The following TNNT3 variants were observed in gnomAD, a reference collection of about 807,000 sequenced individuals.
TNNT3 encodes the protein troponin T, fast skeletal muscle.
A neutral mutation model predicts 54.2 loss-of-function variants in TNNT3; 36 were observed. The observed-to-expected ratio is 0.66, with a 90% confidence interval of 0.51 to 0.88. TNNT3 has a LOEUF of 0.88. Among genes scored for constraint, TNNT3 ranks in the 40% least tolerant of loss-of-function variants. The pLI is 0.00. For missense variants in TNNT3, 291 were observed against 331.6 expected (o/e 0.88, Z 0.95); for synonymous variants, 120 against 109.7 (o/e 1.09, Z -0.59).
chr11:1,924,544 G>C (rs1267912784), intron 4 of TNNT3, among the ~76,000 whole-genome samples: 1 of 152,254 alleles, frequency 6.6e-6, no homozygotes, highest in Non-Finnish European at 1.5e-5. Context: ...CTGCCGAAAA[G>C]GTGGAAAGAC....
intron 15 of TNNT3, 44 bp from the exon 16 acceptor site, chr11:1,938,394 C>A (rs558130269): frequency 5.0e-6 from 8 of 1,608,668 alleles, no homozygotes; most frequent in Non-Finnish European, 6.8e-6. Flanking sequence ...AGGGGCATGG[C>A]CAGAGGCCCT....
chr11:1,926,655 C>T, intron 5 of TNNT3, 40 bp from the exon 6 acceptor site: 1 of 1,613,326 alleles, frequency 6.2e-7, no homozygotes, highest in Non-Finnish European at 8.5e-7. Context: ...GGTCCTCTCT[C>T]TCTCCCGCCC....
In TNNT3 at chr11:1,928,901, C is replaced by T. The variant is rs1852401355; in HGVS notation, c.83-219C>T. The T allele has an allele frequency of 4.7e-6, 3 of 642,536 alleles. No individual in the cohort carries two copies. The Admixed American group carries it at 6.7e-5, about 14-fold the overall frequency. The allele number at this position is 642,536 out of a possible 1,614,324, so 39.8% of individuals were successfully genotyped here. On this transcript the variant is annotated intron_variant, in intron 6 of 15. Transcript: ENST00000278317. ...CCACTAGGTCTTCCAGGCAGGAGCT[C>T]CACTGGGCACCCAGCCCCTTCCACC... is the stretch of plus-strand genomic sequence containing the variant.
At chr11:1,928,482 G>C (rs996963192) in intron 6 of TNNT3, among the ~76,000 whole-genome samples, 1 of 152,214 alleles carries the variant, frequency 6.6e-6, no homozygotes, top group South Asian at 2.1e-4. Context: ...AAGCCCCAGG[G>C]AGGTCAGGGA....
intron 14 of TNNT3, chr11:1,935,294 G>A (rs769549868): frequency 2.0e-5 from 7 of 353,582 alleles, no homozygotes; most frequent in Non-Finnish European, 3.3e-5. Flanking sequence ...CGGCCCCGGG[G>A]CACCGAGTCC....
In TNNT3 at chr11:1,934,840, A is replaced by G. The variant is rs760712097; in HGVS notation, c.602A>G (p.Lys201Arg). Residue 201 changes from lysine (K) to arginine (R), a missense_variant, in exon 14 of 16, where the codon AAG (lysine) becomes AGG (arginine). By Grantham distance (26) the Lys-to-Arg change is conservative. Coordinates refer to ENST00000278317, the MANE Select transcript of TNNT3 (RefSeq NM_006757.4). ...TTCCTCTGCCCCAGGGACAAGGCCA[A>G]GGAGCTCTGGGAGACCCTGCACCAG... ...LGEDKLRDKA[K>R]ELWETLHQLE... is the part of the protein sequence containing the mutation. 22 of 1,613,398 alleles carry G rather than the reference A, an allele frequency of 1.4e-5. No individual in the cohort carries two copies. The highest frequency in any genetic ancestry group is 6.7e-5 in the East Asian group (3 of 44,896).
At chr11:1,919,966 T>C (rs1849720002) in intron 1 of TNNT3, among the ~76,000 whole-genome samples, 1 of 152,036 alleles carries the variant, frequency 6.6e-6, no homozygotes, top group African/African-American at 2.4e-5. Context: ...GATGCGGACA[T>C]GGTGGTGTGA....
At chr11:1,938,222 G>C (rs1006532022) in intron 15 of TNNT3, 46 of 603,110 alleles carry the variant, frequency 7.6e-5, no homozygotes, top group South Asian at 1.1e-4. Context: ...CCGGGCTCAC[G>C]TGCCAGCCCC....
At chr11:1,924,959 C>T in intron 4 of TNNT3, 140 bp from the exon 5 acceptor site, 2 of 904,988 alleles carry the variant, frequency 2.2e-6, no homozygotes, top group Non-Finnish European at 3.6e-6. Context: ...TCTTTCACCC[C>T]TGCCAAGCGA....
At chr11:1,929,020 G>A (rs1402625667) in intron 6 of TNNT3, 100 bp from the exon 7 acceptor site, 4 of 1,359,642 alleles carry the variant, frequency 2.9e-6, no homozygotes, top group South Asian at 1.2e-5. Flanking sequence ...AGTGAGAGGG[G>A]TGGGCCCCTT....
At chr11:1,923,651 AC>A in intron 4 of TNNT3, 79 bp downstream of exon 4, 1 of 854,968 alleles carries the variant, frequency 1.2e-6, no homozygotes, top group Admixed American at 1.9e-5. Flanking sequence ...CGCTCACAGA[AC>A]CCCCTCCCCA....
chr11:1,937,935 AAT>A (rs1315523721), intron 15 of TNNT3, among the ~76,000 whole-genome samples: 4 of 152,076 alleles, frequency 2.6e-5, no homozygotes, highest in Non-Finnish European at 4.4e-5. Context: ...GCCGCGTCTG[AAT>A]GGGGCCGGCC....
intron 15 of TNNT3, chr11:1,938,139 C>T: frequency 2.2e-6 from 1 of 465,068 alleles, no homozygotes; most frequent in African/African-American, 2.0e-5. Flanking sequence ...TCTGCTAAGA[C>T]AGTCTTCCCC....
At position 1,924,417 on chromosome 11, in the gene TNNT3, G is replaced by A. The variant is rs1168647625; in HGVS notation, c.50-682G>A. On this transcript the variant is annotated intron_variant, in intron 4 of 15. Transcript: ENST00000278317. ...CCTGGCACCCACTCAACTGGGGAGCGCGTTCACGCAACCTTAGCAGGCAGG... is the reference window on the plus strand; with the variant it reads ...CCTGGCACCCACTCAACTGGGGAGCACGTTCACGCAACCTTAGCAGGCAGG... 5.9e-5 allele frequency among the ~76,000 whole-genome samples: 9 copies of A among 152,368 alleles called. No individual in the cohort carries two copies. In the South Asian group the frequency reaches 6.2e-4, roughly 11 times the overall value.
rs754786724 is a variant in TNNT3 at position 1,925,255 on chromosome 11, G to A, written c.67+139G>A. The A allele has an allele frequency of 3.5e-5, 56 of 1,606,842 alleles. 1 individual carries two copies. The Middle Eastern group carries it at 5.5e-3, about 157-fold the overall frequency. ...CTCCTCTCTCCCCCGGCTCTCCTCA[G>A]CTGCAGAAGTCCATGAGGAAGGTAT... On this transcript the variant is annotated intron_variant, in intron 5 of 15. Transcript: ENST00000278317.
chr11:1,923,266 T>C (rs1850570110), intron 3 of TNNT3, among the ~76,000 whole-genome samples: 1 of 152,160 alleles, frequency 6.6e-6, no homozygotes, highest in Admixed American at 6.5e-5. Flanking sequence ...CACATGGTCC[T>C]GAGGGGCCTG....
rs541092939 is a variant in TNNT3, at chr11:1,932,351, T to C, written c.126-118T>C. On this transcript the variant is annotated intron_variant, in intron 8 of 15. Transcript: ENST00000278317. ...GTGTCACTAGGCGGGCATGCTTGGC[T>C]GGGGGCCAGAGCAGGAGGGCACCAG... 8.0e-5 allele frequency: 75 copies of C among 942,236 alleles called. No individual in the cohort carries two copies. The African/African-American group carries it at 9.8e-4, about 12-fold the overall frequency. 58.4% of individuals were successfully genotyped at this position (942,236 alleles called of 1,614,324 possible).
chr11:1,929,423 G>A (rs1267777588), intron 7 of TNNT3, among the ~76,000 whole-genome samples: 1 of 152,156 alleles, frequency 6.6e-6, no homozygotes, highest in African/African-American at 2.4e-5. Flanking sequence ...GCCCGGGCCG[G>A]GCACGCCCCC....
intron 1 of TNNT3, among the ~76,000 whole-genome samples, chr11:1,920,801 T>TCCCCTGCCCCCAGCACA (rs1217564284): frequency 2.0e-5 from 3 of 151,718 alleles, no homozygotes; most frequent in East Asian, 3.9e-4. Flanking sequence ...TGAAATGCCA[T>TCCCCTGCCCCCAGCACA]CCCCTGCCCC....
Sources: allele counts gnomAD v4.1 joint callset (sites outside exome capture counted in the v4.1 genomes callset), GRCh38; gene constraint gnomAD v4.1.1; transcripts MANE v1.5; gene names NCBI Gene and HGNC (gene_info 2026-07-23, HGNC 2026-07-21).